Variants in PTK2B observed in about 807,000 individuals in gnomAD.
PTK2B encodes protein-tyrosine kinase 2-beta.
In PTK2B, 71 loss-of-function variants were observed where a neutral mutation model predicts 142.9. That is an observed-to-expected ratio of 0.50 (90% CI 0.41 to 0.61). PTK2B has a LOEUF of 0.61. PTK2B is among the 20% of genes least tolerant of loss of function. The probability of loss-of-function intolerance (pLI) is 0.00; values close to 1 mark genes in which losing one functional copy is unlikely to be tolerated. For synonymous variants in PTK2B, 519 were observed against 503.4 expected (o/e 1.03, Z -0.42); for missense variants, 1,105 against 1,320.4 (o/e 0.84, Z 2.53).
chr8:27,426,978 C>G (rs1810122388), intron 5 of PTK2B, among the ~76,000 whole-genome samples: 1 of 152,176 alleles, frequency 6.6e-6, no homozygotes, highest in Non-Finnish European at 1.5e-5. Context: ...TCACAAGTCT[C>G]GAAGTTCATT....
At chr8:27,351,947 G>A (rs767430389) in intron 1 of PTK2B, among the ~76,000 whole-genome samples, 4 of 152,124 alleles carry the variant, frequency 2.6e-5, no homozygotes, top group Middle Eastern at 3.2e-3. Flanking sequence ...GCCATCCCCC[G>A]CAGAAGCTCC....
At chr8:27,445,744 A>T (rs780981933) in intron 23 of PTK2B, 50 bp from the exon 24 acceptor site, 24 of 1,607,806 alleles carry the variant, frequency 1.5e-5, no homozygotes, top group Non-Finnish European at 1.9e-5. Flanking sequence ...CTAATTGTCT[A>T]CCTTCTCGCT....
chr8:27,438,951 C>T lies in PTK2B; in HGVS notation c.1644-80C>T. ...GGCTTAGATTCTTGGTCTCTTTTTCCATCTGTCTGTCCATCTCTCTGTTCC... is the reference window on the plus strand; with the variant it reads ...GGCTTAGATTCTTGGTCTCTTTTTCTATCTGTCTGTCCATCTCTCTGTTCC... On this transcript the variant is annotated intron_variant, in intron 18 of 30. Coordinates refer to ENST00000346049, the MANE Select transcript of PTK2B (RefSeq NM_173176.3). 5 of 1,311,562 alleles carry T rather than the reference C, an allele frequency of 3.8e-6. 1 individual carries two copies. In the South Asian group the frequency reaches 4.9e-5, roughly 13 times the overall value. The allele number at this position is 1,311,562 out of a possible 1,614,324, so 81.2% of individuals were successfully genotyped here. A position where few individuals can be genotyped will look rare whatever the true frequency, so the allele number is the denominator to read the frequency against.
chr8:27,433,243 G>A (rs1012123963), intron 10 of PTK2B, 192 bp from the exon 11 acceptor site: 5 of 571,358 alleles, frequency 8.8e-6, no homozygotes, highest in South Asian at 8.5e-5. Context: ...CCTTTGGAGA[G>A]CATGGGCGTA....
chr8:27,325,841 GTGCACA>G (rs1442197885), intron 1 of PTK2B, among the ~76,000 whole-genome samples, 160 bp downstream of exon 1: 1 of 152,234 alleles, frequency 6.6e-6, no homozygotes, highest in African/African-American at 2.4e-5. Context: ...CGTGGGTGCT[GTGCACA>G]TGCCCGGAGC....
In PTK2B at chr8:27,436,338, A is replaced by G; in HGVS notation, c.1331A>G (p.Tyr444Cys). Reference sequence around the variant, plus strand: ...TTTGGGGAGGTCTATGAAGGTGTCTACACAAATCACGTGAGTTCTAGGATC... The same window carrying G: ...TTTGGGGAGGTCTATGAAGGTGTCTGCACAAATCACGTGAGTTCTAGGATC... Reference protein sequence around the residue: ...GFFGEVYEGVYTNHKGEKINV... With the variant: ...GFFGEVYEGVCTNHKGEKINV... Residue 444 changes from tyrosine to cysteine, a missense_variant, in exon 15 of 31, where the codon TAC becomes TGC. Physicochemically the swap from Tyr to Cys is radical, Grantham distance 194 (BLOSUM62 -2). Transcript: ENST00000346049. 1 of 1,612,582 alleles carries G rather than the reference A, an allele frequency of 6.2e-7. No individual in the cohort carries two copies. The highest frequency in any genetic ancestry group is 8.5e-7 in the Non-Finnish European group (1 of 1,178,584).
intron 2 of PTK2B, among the ~76,000 whole-genome samples, chr8:27,418,057 C>G (rs988533526): frequency 3.3e-5 from 5 of 152,318 alleles, no homozygotes; most frequent in Non-Finnish European, 2.9e-5. Flanking sequence ...GCCACTGATC[C>G]CAGTCTTCAT....
At chr8:27,433,740 G>T (rs775611557) in intron 11 of PTK2B, among the ~76,000 whole-genome samples, 188 bp downstream of exon 11, 2 of 152,234 alleles carry the variant, frequency 1.3e-5, no homozygotes, top group Admixed American at 6.5e-5. Flanking sequence ...CCTACCCACA[G>T]CCCTGCTAAT....
At chr8:27,420,362 C>T (rs1302884135) in intron 3 of PTK2B, among the ~76,000 whole-genome samples, 4 of 152,148 alleles carry the variant, frequency 2.6e-5, no homozygotes, top group Non-Finnish European at 5.9e-5. Flanking sequence ...GGATGGAAAG[C>T]CCAGGTCCAG....
At chr8:27,422,463 G>A in intron 5 of PTK2B, 80 bp downstream of exon 5, 1 of 1,291,224 alleles carries the variant, frequency 7.7e-7, no homozygotes, top group Non-Finnish European at 1.0e-6. Flanking sequence ...TGTCCAAGAT[G>A]GGAAGCAGGA....
intron 26 of PTK2B, 51 bp from the exon 27 acceptor site, chr8:27,451,434 T>A: frequency 6.2e-7 from 1 of 1,611,116 alleles, no homozygotes; most frequent in African/African-American, 1.3e-5. Flanking sequence ...GAGGGGGTTG[T>A]CTCCACAGCC....
intron 5 of PTK2B, among the ~76,000 whole-genome samples, chr8:27,425,192 T>C (rs2131916244): frequency 1.3e-5 from 2 of 151,494 alleles, no homozygotes; most frequent in Admixed American, 1.3e-4. Flanking sequence ...TATATGCTAG[T>C]ATATAATATG....
chr8:27,350,516 C>T (rs1804981656), intron 1 of PTK2B, among the ~76,000 whole-genome samples: 1 of 152,110 alleles, frequency 6.6e-6, no homozygotes, highest in South Asian at 2.1e-4. Context: ...CAACCCCACT[C>T]AGGGACCTTG....
intron 24 of PTK2B, among the ~76,000 whole-genome samples, chr8:27,448,092 A>G (rs550772112): frequency 5.3e-4 from 81 of 152,218 alleles, no homozygotes; most frequent in Non-Finnish European, 9.1e-4. Flanking sequence ...GCTTCTATTT[A>G]AAAGTTGGGC....
intron 2 of PTK2B, among the ~76,000 whole-genome samples, chr8:27,412,266 C>T (rs1809114044): frequency 1.3e-5 from 2 of 152,182 alleles, no homozygotes; most frequent in African/African-American, 4.8e-5. Flanking sequence ...TGGCTCAAAG[C>T]TTCAACTCTC....
intron 2 of PTK2B, among the ~76,000 whole-genome samples, chr8:27,405,082 G>A (rs1808634131): frequency 9.8e-6 from 1 of 101,658 alleles, no homozygotes; most frequent in Non-Finnish European, 2.1e-5. Context: ...GCCATGTGAG[G>A]ACAGAAGGAG....
intron 1 of PTK2B, among the ~76,000 whole-genome samples, chr8:27,391,190 G>A (rs1467606084): frequency 2.0e-5 from 3 of 151,810 alleles, no homozygotes; most frequent in African/African-American, 4.8e-5. Context: ...TCCGTCTCCC[G>A]GGTTCAAGGG....
chr8:27,444,350 G>A (rs1811338722), intron 23 of PTK2B, 79 bp downstream of exon 23: 1 of 1,503,020 alleles, frequency 6.7e-7, no homozygotes. Context: ...GTGCCTTAGA[G>A]GAGCAGCAGT....
rs760951941 is a variant in PTK2B at position 27,402,048 on chromosome 8, C to G, written c.204+4260C>G. On this transcript the variant is annotated intron_variant, in intron 2 of 30. Transcript: ENST00000346049. ...GCACAAACTATTATTATTTCCACTT[C>G]ATATATAAGGAAACTAAGCACAGAG... is the stretch of plus-strand genomic sequence containing the variant. Among the ~76,000 whole-genome samples the G allele has an allele frequency of 2.7e-4, 41 of 152,172 alleles. 2 individuals are homozygous for G. Among genetic ancestry groups the G allele is most frequent in the Non-Finnish European group, 1.9e-4 (13 of 68,042 alleles).
Sources: allele counts gnomAD v4.1 joint callset (sites outside exome capture counted in the v4.1 genomes callset), GRCh38; gene constraint gnomAD v4.1.1; transcripts MANE v1.5; gene names NCBI Gene and HGNC (gene_info 2026-07-23, HGNC 2026-07-21).